Variants in CNNM1 observed in about 807,000 individuals in gnomAD.
CNNM1 encodes the protein cyclin and CBS domain divalent metal cation transport mediator 1.
Under a neutral mutation model 78.8 loss-of-function variants are expected in CNNM1, and 44 were observed. That is an observed-to-expected ratio of 0.56 (90% CI 0.44 to 0.72). CNNM1 has a LOEUF of 0.72. Among genes scored for constraint, CNNM1 ranks in the 30% least tolerant of loss-of-function variants. The pLI, the probability that CNNM1 is intolerant of heterozygous loss-of-function variation, is 0.00. For synonymous variants in CNNM1, 584 were observed against 581.5 expected (o/e 1.00, Z -0.06); for missense variants, 1,101 against 1,292.2 (o/e 0.85, Z 2.27).
intron 1 of CNNM1, among the ~76,000 whole-genome samples, chr10:99,347,248 C>T (rs1399415319): frequency 1.3e-5 from 2 of 152,000 alleles, no homozygotes; most frequent in Non-Finnish European, 2.9e-5. Flanking sequence ...CAGCCAGGCA[C>T]GGTGGCTCAC....
intron 7 of CNNM1, among the ~76,000 whole-genome samples, chr10:99,383,993 C>T (rs1359800098): frequency 6.7e-6 from 1 of 149,418 alleles, no homozygotes; most frequent in Non-Finnish European, 1.5e-5. Flanking sequence ...AAATTCCTCA[C>T]TAATCACTTT....
At position 99,330,249 on chromosome 10, in the gene CNNM1, C is replaced by T; in HGVS notation, c.862C>T (p.Leu288=). 6.5e-7 allele frequency: 1 copy of T among 1,546,616 alleles called. No individual in the cohort carries two copies. The highest frequency in any genetic ancestry group is 2.4e-5 in the East Asian group (1 of 42,252). ...RGTHLLCTLL[L]GQAGANAALA... ...GACCCATCTGCTCTGCACCCTACTC[C>T]TGGGCCAAGCCGGAGCCAACGCGGC... The change falls in exon 1 of 11, where the codon CTG becomes TTG. Residue 288 remains leucine, a synonymous_variant. Coordinates refer to ENST00000356713, the MANE Select transcript of CNNM1 (RefSeq NM_020348.3).
At position 99,330,846 on chromosome 10, in the gene CNNM1, G is replaced by T. The variant is rs1850600878; in HGVS notation, c.1459G>T (p.Val487Leu). Residue 487 changes from valine to leucine, a missense_variant, in exon 1 of 11, where the codon GTG becomes TTG. Physicochemically the swap from Val to Leu is conservative, Grantham distance 32. Around this residue, in one of 3 missense-constraint regions of CNNM1, gnomAD observed 277 missense variants for 423.2 expected, o/e 0.65. Transcript: ENST00000356713. Reference protein sequence around the residue: ...DILFVKDLAFVDPDDCTPLLT... With the variant: ...DILFVKDLAFLDPDDCTPLLT... ...TTTATTTGTCAAGGACTTGGCCTTC[G>T]TGGACCCCGACGACTGCACCCCGCT... 3 of 1,614,024 alleles carry T rather than the reference G, an allele frequency of 1.9e-6. No homozygotes were observed. The highest frequency in any genetic ancestry group is 1.3e-5 in the African/African-American group (1 of 74,894).
rs71009744 is a variant in CNNM1 at position 99,340,876 on chromosome 10, T to TCCTTCCTTCCTGCCTGCCTGCCTGCCTG, written c.1573+9919_1573+9920insTCCTTCCTGCCTGCCTGCCTGCCTGCCT. The stretch of plus-strand genomic sequence containing the variant: ...CTCCTTCCCCGCTTCCTTCCTTCCT[T>TCCTTCCTTCCTGCCTGCCTGCCTGCCTG]CCTGCCTGCCTGCCTGCCTGCCTGC... On this transcript the variant is annotated intron_variant, in intron 1 of 10. Transcript: ENST00000356713. Among the ~76,000 whole-genome samples the TCCTTCCTTCCTGCCTGCCTGCCTGCCTG allele has an allele frequency of 6.0e-3, 823 of 138,216 alleles. 11 individuals carry two copies. The highest frequency in any genetic ancestry group is 0.023 in the African/African-American group (759 of 33,284). The allele number at this position is 138,216 out of a possible 152,430, so 90.7% of individuals were successfully genotyped here.
chr10:99,357,211 A>G (rs955673633), intron 1 of CNNM1, among the ~76,000 whole-genome samples: 1 of 152,224 alleles, frequency 6.6e-6, no homozygotes, highest in South Asian at 2.1e-4. Context: ...TTCAATTAGT[A>G]TATATTATAT....
Position 99,330,378 on chromosome 10 carries a change from T to G in CNNM1, c.991T>G (p.Cys331Gly). ...IHFPWLPALV[C>G]TGAVFLGAEI... ...CTTCCCGTGGCTGCCGGCGCTCGTG[T>G]GCACCGGCGCGGTATTCCTGGGCGC... The change falls in exon 1 of 11, where the codon TGC becomes GGC. Residue 331 changes from cysteine to glycine, a missense_variant. Physicochemically the swap from Cys to Gly is radical, Grantham distance 159. Transcript: ENST00000356713. 6.3e-7 allele frequency: 1 copy of G among 1,596,840 alleles called. No homozygotes were observed. The highest frequency in any genetic ancestry group is 8.5e-7 in the Non-Finnish European group (1 of 1,172,922).
At chr10:99,389,041 C>CA (rs1160108753) in intron 9 of CNNM1, among the ~76,000 whole-genome samples, 1 of 152,192 alleles carries the variant, frequency 6.6e-6, no homozygotes, top group Non-Finnish European at 1.5e-5. Context: ...GCAGTTCCCC[C>CA]ACCCGACCTG....
chr10:99,340,098 T>A (rs897061438), intron 1 of CNNM1, among the ~76,000 whole-genome samples: 1 of 152,206 alleles, frequency 6.6e-6, no homozygotes, highest in Non-Finnish European at 1.5e-5. Context: ...CCATTGTATA[T>A]AGAGAGAAAG....
chr10:99,386,877 T>C (rs1174678435), intron 7 of CNNM1, among the ~76,000 whole-genome samples: 1 of 152,216 alleles, frequency 6.6e-6, no homozygotes, highest in Non-Finnish European at 1.5e-5. Context: ...TGTGGTTTTG[T>C]CCGTTCACTA....
chr10:99,362,995 A>G (rs1012295546), intron 4 of CNNM1, among the ~76,000 whole-genome samples: 1 of 152,166 alleles, frequency 6.6e-6, no homozygotes, highest in Non-Finnish European at 1.5e-5. Context: ...TCACATAAGT[A>G]TGATCACCTT....
intron 6 of CNNM1, among the ~76,000 whole-genome samples, chr10:99,365,387 A>G (rs1286374004): frequency 1.3e-5 from 2 of 152,178 alleles, no homozygotes; most frequent in Non-Finnish European, 2.9e-5. Flanking sequence ...GTCATATGCT[A>G]TTATTGTGTC....
At chr10:99,373,562 C>T (rs1211552001) in intron 6 of CNNM1, among the ~76,000 whole-genome samples, 2 of 152,196 alleles carry the variant, frequency 1.3e-5, no homozygotes, top group Non-Finnish European at 2.9e-5. Context: ...AATTTGCTTT[C>T]TCTTTTCTTC....
Position 99,359,190 on chromosome 10 carries a change from G to A in CNNM1, c.1717+1535G>A, listed in dbSNP as rs186807687. Among the ~76,000 whole-genome samples, 15 of 151,472 alleles carry A rather than the reference G, an allele frequency of 9.9e-5. No homozygotes were observed. The East Asian group carries it at 2.9e-3, about 30-fold the overall frequency. On this transcript the variant is annotated intron_variant, in intron 2 of 10. Coordinates refer to ENST00000356713, the MANE Select transcript of CNNM1 (RefSeq NM_020348.3). Reference sequence around the variant, plus strand: ...TATTGAAATCTAAGGAGAAGGGGGCGATGAGAGGAATGATTTCCTAATAAT... The same window carrying A: ...TATTGAAATCTAAGGAGAAGGGGGCAATGAGAGGAATGATTTCCTAATAAT...
chr10:99,356,627 A>AAAGAAAAAGAAAGAAAGAAAAGAAAAG (rs1554940134), intron 1 of CNNM1, among the ~76,000 whole-genome samples: 1 of 137,018 alleles, frequency 7.3e-6, no homozygotes, highest in Non-Finnish European at 1.6e-5. Flanking sequence ...GAAAGAAAAG[A>AAAGAAAAAGAAAGAAAGAAAAGAAAAG]AAAGAAAGAA....
At position 99,383,990 on chromosome 10, in the gene CNNM1, T is replaced by C. The variant is rs552665513; in HGVS notation, c.2341-3830T>C. On this transcript the variant is annotated intron_variant, in intron 7 of 10. Coordinates refer to ENST00000356713, the MANE Select transcript of CNNM1 (RefSeq NM_020348.3). ...AGTGCGAAAAAGAATGTAAAATTCC[T>C]CACTAATCACTTTAACTAATCACAT... 8.8e-4 allele frequency among the ~76,000 whole-genome samples: 132 copies of C among 149,534 alleles called. 2 individuals carry two copies. In the South Asian group the frequency reaches 0.027, roughly 30 times the overall value.
chr10:99,357,232 A>T (rs1408262084), intron 1 of CNNM1, among the ~76,000 whole-genome samples: 2 of 152,216 alleles, frequency 1.3e-5, no homozygotes, highest in Non-Finnish European at 2.9e-5. Flanking sequence ...CAGCTAACAT[A>T]TACTTGCTAA....
chr10:99,330,166 G>A lies in CNNM1; in HGVS notation c.779G>A (p.Ser260Asn). The A allele has an allele frequency of 6.5e-7, 1 of 1,527,676 alleles. No homozygotes were observed. The highest frequency in any genetic ancestry group is 2.5e-5 in the East Asian group (1 of 40,692). 94.6% of individuals were successfully genotyped at this position (1,527,676 alleles called of 1,614,324 possible). A position where few individuals can be genotyped will look rare whatever the true frequency, so the allele number is the denominator to read the frequency against. ...DPVELRVLRN[S>N]GSAAEQEQAR... is the part of the protein sequence containing the mutation. ...GTGGAGTTACGGGTGCTGCGGAACA[G>A]CGGCTCGGCCGCCGAGCAGGAGCAG... is the stretch of plus-strand genomic sequence containing the variant. Residue 260 changes from serine (S) to asparagine (N), a missense_variant, in exon 1 of 11, where the codon AGC (serine) becomes AAC (asparagine). By Grantham distance (46) the Ser-to-Asn change is conservative. Around this residue, in one of 3 missense-constraint regions of CNNM1, gnomAD observed 476 missense variants for 484.5 expected, o/e 0.98. Transcript: ENST00000356713.
chr10:99,367,176 G>A (rs1342432632), intron 6 of CNNM1, among the ~76,000 whole-genome samples: 1 of 152,132 alleles, frequency 6.6e-6, no homozygotes, highest in East Asian at 1.9e-4. Flanking sequence ...CACTGGCCAA[G>A]AACCTCAACC....
At position 99,329,918 on chromosome 10, in the gene CNNM1, G is replaced by A; in HGVS notation, c.531G>A (p.Ala177=). The change falls in exon 1 of 11, where the codon GCG becomes GCA. Residue 177 remains alanine, a synonymous_variant. Transcript: ENST00000356713. ...LRKGEAERGG[A]GGGGKLFSLC... ...AGGGCGAAGCGGAGCGGGGCGGCGCGGGCGGTGGCGGGAAGCTCTTTTCAC... is the reference window on the plus strand; with the variant it reads ...AGGGCGAAGCGGAGCGGGGCGGCGCAGGCGGTGGCGGGAAGCTCTTTTCAC... 3 of 1,383,210 alleles carry A rather than the reference G, an allele frequency of 2.2e-6. No homozygotes were observed. In the South Asian group the frequency reaches 5.1e-5, roughly 23 times the overall value. 85.7% of individuals were successfully genotyped at this position (1,383,210 alleles called of 1,614,324 possible).
Sources: allele counts gnomAD v4.1 joint callset (sites outside exome capture counted in the v4.1 genomes callset), GRCh38; gene constraint gnomAD v4.1.1; regional missense constraint gnomAD v4.1.1; transcripts MANE v1.5; gene names NCBI Gene and HGNC (gene_info 2026-07-23, HGNC 2026-07-21).